Variants in ABLIM2 observed in about 807,000 individuals in gnomAD.
ABLIM2 encodes actin-binding LIM protein 2.
A neutral mutation model predicts 97.7 loss-of-function variants in ABLIM2; 53 were observed. The observed-to-expected ratio is 0.54, with a 90% CI of 0.44 to 0.68. The LOEUF (loss-of-function observed/expected upper bound fraction) is 0.68. Among genes scored for constraint, ABLIM2 ranks in the 30% least tolerant of loss-of-function variants. The pLI, the probability that ABLIM2 is intolerant of heterozygous loss-of-function variation, is 0.00. For synonymous variants in ABLIM2, 361 were observed against 345.8 expected, an observed-to-expected ratio of 1.04 and a Z score of -0.49; for missense variants, 835 against 867.2, an observed-to-expected ratio of 0.96 and a Z score of 0.47.
intron 7 of ABLIM2, among the ~76,000 whole-genome samples, chr4:8,055,806 T>C (rs1798721938): frequency 6.6e-6 from 1 of 152,128 alleles, no homozygotes; most frequent in Admixed American, 6.5e-5. Context: ...AAATTAAAAA[T>C]AAATTATGAC....
At position 7,966,794 on chromosome 4, in the gene ABLIM2, G is replaced by A; in HGVS notation, c.*196C>T. On this transcript the variant is annotated 3_prime_UTR_variant, in exon 21 of 21. Coordinates refer to ENST00000447017, the MANE Select transcript of ABLIM2 (RefSeq NM_001130083.2). ...AGCGGGGAAGGGTGGCGTGAAGCTA[G>A]CCGTCTCGGCCCTAAACTACCGGCA... 3.5e-6 allele frequency: 2 copies of A among 570,374 alleles called. No individual in the cohort carries two copies. The allele number at this position is 570,374 out of a possible 1,614,324, so 35.3% of individuals were successfully genotyped here.
chr4:8,120,538 G>A lies in ABLIM2; in HGVS notation c.11-13901C>T, dbSNP rs528602871. Among the ~76,000 whole-genome samples, 5 of 152,092 alleles carry A rather than the reference G, an allele frequency of 3.3e-5. No homozygotes were observed. The South Asian group carries it at 8.3e-4, about 25-fold the overall frequency. On this transcript the variant is annotated intron_variant, in intron 1 of 20. Coordinates refer to ENST00000447017, the MANE Select transcript of ABLIM2 (RefSeq NM_001130083.2). This position sits in a 1 kb window ranked among gnomAD's most constrained non-coding sequence, Gnocchi z 5.6. ...GATGCCAGGAGAGGGGCCCTGGGAC[G>A]GGTCCTTCCTTGCAGCCTCAGAAGG...
chr4:7,978,730 G>A (rs1293091514), intron 20 of ABLIM2, among the ~76,000 whole-genome samples: 1 of 152,226 alleles, frequency 6.6e-6, no homozygotes, highest in Admixed American at 6.5e-5. Context: ...TTTTACAAAG[G>A]TCAGTAGTAT....
chr4:8,105,497 G>A (rs1044098498), intron 2 of ABLIM2, among the ~76,000 whole-genome samples: 1 of 152,222 alleles, frequency 6.6e-6, no homozygotes, highest in Admixed American at 6.5e-5. Context: ...TGGGGGCCGT[G>A]CAACGCCTGA....
intron 1 of ABLIM2, among the ~76,000 whole-genome samples, chr4:8,154,801 T>A (rs1295232395): frequency 6.6e-6 from 1 of 152,074 alleles, no homozygotes; most frequent in Admixed American, 6.6e-5. Flanking sequence ...ATGCTGCCAA[T>A]AAAGACATAC....
At chr4:8,157,751 A>G (rs890308810) in intron 1 of ABLIM2, among the ~76,000 whole-genome samples, 3 of 152,282 alleles carry the variant, frequency 2.0e-5, no homozygotes, top group Non-Finnish European at 2.9e-5. Flanking sequence ...AAAGAGCACA[A>G]GAGTCAGTGA....
chr4:8,070,059 ATC>A (rs939746221), intron 6 of ABLIM2, among the ~76,000 whole-genome samples: 47 of 150,064 alleles, frequency 3.1e-4, no homozygotes, highest in Non-Finnish European at 7.4e-5. Context: ...GTATCTGTGT[ATC>A]TGAGTGTGTC....
chr4:8,091,098 G>C (rs1348670834), intron 3 of ABLIM2, among the ~76,000 whole-genome samples: 1 of 150,276 alleles, frequency 6.7e-6, no homozygotes, highest in Non-Finnish European at 1.5e-5. Context: ...AACGGCACTG[G>C]AGGGACACTC....
In ABLIM2 at chr4:8,112,311, C is replaced by A. The variant is rs1181692437; in HGVS notation, c.11-5674G>T. 1.3e-5 allele frequency among the ~76,000 whole-genome samples: 2 copies of A among 152,246 alleles called. No individual in the cohort carries two copies. The highest frequency in any genetic ancestry group is 2.9e-5 in the Non-Finnish European group (2 of 68,052). On this transcript the variant is annotated intron_variant, in intron 1 of 20. Coordinates refer to ENST00000447017, the MANE Select transcript of ABLIM2 (RefSeq NM_001130083.2). This position sits in a 1 kb window ranked among gnomAD's most constrained non-coding sequence, Gnocchi z 4.2. ...CAGGGTCCGGTTTGGACCCACCATC[C>A]AGGGGCAGCGGTGTGACCTTGGTGA...
In ABLIM2 at chr4:8,002,823, G is replaced by A. The variant is rs951745470; in HGVS notation, c.1618+5236C>T. 7.9e-5 allele frequency among the ~76,000 whole-genome samples: 12 copies of A among 152,178 alleles called. No individual in the cohort carries two copies. The highest frequency in any genetic ancestry group is 2.7e-4 in the African/African-American group (11 of 41,448). Reference sequence around the variant, plus strand: ...CGGCCCGGCCTCCGCCCTGGGTGATGCGGAATGCTCTCCCCCATATACCGG... The same window carrying A: ...CGGCCCGGCCTCCGCCCTGGGTGATACGGAATGCTCTCCCCCATATACCGG... On this transcript the variant is annotated intron_variant, in intron 16 of 20. Coordinates refer to ENST00000447017, the MANE Select transcript of ABLIM2 (RefSeq NM_001130083.2). This position sits in a 1 kb window ranked among gnomAD's most constrained non-coding sequence, Gnocchi z 6.1.
chr4:7,967,559 G>A lies in ABLIM2; in HGVS notation c.1825-456C>T, dbSNP rs564266787. On this transcript the variant is annotated intron_variant, in intron 20 of 20. Coordinates refer to ENST00000447017, the MANE Select transcript of ABLIM2 (RefSeq NM_001130083.2). Reference sequence around the variant, plus strand: ...ACTTCGTAGCCCAGGAGGGTGGGGCGCGGACAGTGAGCAAGAATGCCAGGC... The same window carrying A: ...ACTTCGTAGCCCAGGAGGGTGGGGCACGGACAGTGAGCAAGAATGCCAGGC... 4.4e-4 allele frequency among the ~76,000 whole-genome samples: 67 copies of A among 152,324 alleles called. 1 individual carries two copies. The South Asian group carries it at 8.1e-3, about 18-fold the overall frequency.
chr4:8,038,431 CA>C (rs1384333513), intron 9 of ABLIM2, among the ~76,000 whole-genome samples: 1 of 152,196 alleles, frequency 6.6e-6, no homozygotes, highest in Non-Finnish European at 1.5e-5. Flanking sequence ...TTCAGCTGGA[CA>C]ATGTAAGCCC....
chr4:8,152,242 CA>C (rs1404493881), intron 1 of ABLIM2, among the ~76,000 whole-genome samples: 9 of 152,226 alleles, frequency 5.9e-5, no homozygotes, highest in African/African-American at 2.2e-4. Context: ...AGGGGATAGG[CA>C]GACAGCGCCC....
chr4:8,107,622 A>C (rs1182863483), intron 1 of ABLIM2, among the ~76,000 whole-genome samples: 1 of 152,116 alleles, frequency 6.6e-6, no homozygotes, highest in East Asian at 1.9e-4. Context: ...TGGGGACTGA[A>C]GGCTCAGACC....
intron 1 of ABLIM2, among the ~76,000 whole-genome samples, chr4:8,107,878 G>A (rs1193996555): frequency 1.3e-5 from 2 of 152,222 alleles, no homozygotes. Context: ...TGGCCAGAGG[G>A]AGGCGTGACT....
chr4:8,055,053 T>TG (rs893455024), intron 7 of ABLIM2, among the ~76,000 whole-genome samples: 6 of 151,834 alleles, frequency 4.0e-5, no homozygotes, highest in South Asian at 4.2e-4. Flanking sequence ...TTTTTGTTTT[T>TG]TTTTTTTCCA....
intron 20 of ABLIM2, among the ~76,000 whole-genome samples, chr4:7,976,900 T>A (rs1172670689): frequency 9.9e-6 from 1 of 100,976 alleles, no homozygotes; most frequent in African/African-American, 3.8e-5. Context: ...TATACACACA[T>A]ACATGTACAC....
chr4:8,070,022 G>A (rs1810777035), intron 6 of ABLIM2, among the ~76,000 whole-genome samples: 1 of 152,080 alleles, frequency 6.6e-6, no homozygotes, highest in South Asian at 2.1e-4. Flanking sequence ...GTGTGTTTGT[G>A]TGTGTCTATG....
chr4:8,056,929 C>G (rs1799591451), intron 7 of ABLIM2, among the ~76,000 whole-genome samples: 1 of 55,742 alleles, frequency 1.8e-5, no homozygotes, highest in Non-Finnish European at 2.9e-5. Context: ...GAAACTCCGT[C>G]TCAAAAAAAA....
Sources: allele counts gnomAD v4.1 joint callset (sites outside exome capture counted in the v4.1 genomes callset), GRCh38; gene constraint gnomAD v4.1.1; non-coding constraint Gnocchi (gnomAD v3.1); transcripts MANE v1.5; gene names NCBI Gene and HGNC (gene_info 2026-07-23, HGNC 2026-07-21).